The following GRIP1 variants were observed in gnomAD, a reference collection of about 807,000 sequenced individuals.
GRIP1 encodes glutamate receptor interacting protein 1, also known as glutamate receptor-interacting protein 1.
In GRIP1, 45 loss-of-function variants were observed where a neutral mutation model predicts 129.9. The ratio of observed to expected loss-of-function variants is 0.35; its 90% confidence interval spans 0.27 to 0.44. The LOEUF is 0.44. GRIP1 is among the 20% of genes least tolerant of loss of function. GRIP1 has a pLI of 1.00. For missense variants in GRIP1, 1,196 were observed against 1,396.8 expected (o/e 0.86, Z 2.29); for synonymous variants, 530 against 520.8 (o/e 1.02, Z -0.24).
At chr12:66,393,080 T>C (rs369694533) in intron 17 of GRIP1, among the ~76,000 whole-genome samples, 5 of 152,026 alleles carry the variant, frequency 3.3e-5, no homozygotes, top group African/African-American at 1.2e-4. Flanking sequence ...AGCTGAGTCA[T>C]TGGTTAAGCA....
intron 23 of GRIP1, among the ~76,000 whole-genome samples, chr12:66,369,800 G>A (rs1319817418): frequency 2.0e-5 from 3 of 152,048 alleles, no homozygotes; most frequent in Admixed American, 6.5e-5. Context: ...CTGAATATGT[G>A]GTTTCCGCAA....
chr12:66,369,248 C>G (rs1182768035), intron 23 of GRIP1, among the ~76,000 whole-genome samples: 3 of 151,268 alleles, frequency 2.0e-5, no homozygotes, highest in Non-Finnish European at 4.4e-5. Flanking sequence ...TTACAGTTCA[C>G]ACACTGCCAC....
chr12:67,039,569 T>C (rs2043145825), intron 1 of GRIP1, among the ~76,000 whole-genome samples: 1 of 152,122 alleles, frequency 6.6e-6, no homozygotes, highest in Admixed American at 6.5e-5. Context: ...GGCCAAAAGC[T>C]CCATTTCCAG....
intron 1 of GRIP1, among the ~76,000 whole-genome samples, chr12:66,914,876 C>G (rs902530191): frequency 6.6e-6 from 1 of 152,208 alleles, no homozygotes; most frequent in African/African-American, 2.4e-5. Flanking sequence ...ATAGTCCCAG[C>G]TACCTCAGGA....
rs1325710152 is a variant in GRIP1, at chr12:66,371,793, G to A, written c.2913C>T (p.Asn971=). ...TCCTACCCACATCTGAAGGCAGGGT[G>A]TTGCTCCGAGTTGTTTGGCTGTAGT... The part of the protein sequence containing the change: ...RPHYSQTTRS[N]TLPSDVGRKS... The change falls in exon 23 of 25, where the codon AAC becomes AAT. Residue 971 remains asparagine, a synonymous_variant. Coordinates refer to ENST00000359742, the MANE Select transcript of GRIP1 (RefSeq NM_001366722.1). 1 of 1,614,050 alleles carries A rather than the reference G, an allele frequency of 6.2e-7. No homozygotes were observed. Among genetic ancestry groups the A allele is most frequent in the East Asian group, 2.2e-5 (1 of 44,882 alleles).
chr12:66,548,705 A>G (rs943676105), intron 2 of GRIP1, among the ~76,000 whole-genome samples: 1 of 152,330 alleles, frequency 6.6e-6, no homozygotes, highest in Middle Eastern at 3.4e-3. Flanking sequence ...AAAGGCCCCA[A>G]GGTTTCCAAC....
At chr12:66,528,629 T>C (rs184485500) in intron 5 of GRIP1, among the ~76,000 whole-genome samples, 146 of 152,284 alleles carry the variant, frequency 9.6e-4, no homozygotes, top group African/African-American at 3.4e-3. Context: ...TTAATCCTAG[T>C]GTATTAAATC....
intron 1 of GRIP1, among the ~76,000 whole-genome samples, chr12:66,763,688 T>C (rs549640687): frequency 1.3e-5 from 2 of 152,276 alleles, no homozygotes; most frequent in South Asian, 4.1e-4. Flanking sequence ...CATAGATTAA[T>C]GTCACCAAAG....
chr12:66,350,676 T>C (rs762429614), intron 24 of GRIP1, among the ~76,000 whole-genome samples: 5 of 152,092 alleles, frequency 3.3e-5, no homozygotes, highest in Non-Finnish European at 5.9e-5. Context: ...AACCACCAAA[T>C]GCTTCCCAGA....
chr12:66,942,275 T>C (rs1047041256), intron 1 of GRIP1, among the ~76,000 whole-genome samples: 2 of 150,250 alleles, frequency 1.3e-5, no homozygotes, highest in Non-Finnish European at 3.0e-5. Flanking sequence ...CCCTTTTCAA[T>C]TTTTCTGTTC....
At chr12:66,952,079 A>G (rs571863500) in intron 1 of GRIP1, among the ~76,000 whole-genome samples, 1 of 152,166 alleles carries the variant, frequency 6.6e-6, no homozygotes, top group South Asian at 2.1e-4. Flanking sequence ...TAAAGTGAGA[A>G]GAGGAGAGGG....
At chr12:67,036,621 G>C (rs1176841625) in intron 1 of GRIP1, among the ~76,000 whole-genome samples, 2 of 152,076 alleles carry the variant, frequency 1.3e-5, no homozygotes. Flanking sequence ...GTGAGCCACC[G>C]CACCCAGCCA....
intron 1 of GRIP1, among the ~76,000 whole-genome samples, chr12:67,032,541 C>T (rs1353838993): frequency 6.6e-6 from 1 of 152,178 alleles, no homozygotes; most frequent in Non-Finnish European, 1.5e-5. Context: ...CAGGAATTCT[C>T]AACCTCAGCA....
chr12:66,560,520 G>T (rs986374297), intron 2 of GRIP1, among the ~76,000 whole-genome samples: 5 of 151,954 alleles, frequency 3.3e-5, no homozygotes, highest in Admixed American at 2.6e-4. Flanking sequence ...CAAAATATTT[G>T]ATTAGACATT....
intron 1 of GRIP1, among the ~76,000 whole-genome samples, chr12:66,820,162 G>A (rs1285358774): frequency 1.3e-5 from 2 of 152,182 alleles, no homozygotes; most frequent in African/African-American, 4.8e-5. Context: ...TGTAATCCCA[G>A]CACTTTGGAA....
intron 1 of GRIP1, among the ~76,000 whole-genome samples, chr12:66,902,691 G>A (rs2040862236): frequency 6.6e-6 from 1 of 152,212 alleles, no homozygotes; most frequent in African/African-American, 2.4e-5. Context: ...CTTAATATGG[G>A]AAATAGTGAC....
At chr12:66,564,404 G>T (rs2062664004) in intron 2 of GRIP1, among the ~76,000 whole-genome samples, 1 of 151,244 alleles carries the variant, frequency 6.6e-6, no homozygotes, top group Non-Finnish European at 1.5e-5. Context: ...GTGATAGTTT[G>T]CTCAGAATGA....
chr12:66,846,007 GCTTC>G (rs2039808457), intron 1 of GRIP1, among the ~76,000 whole-genome samples: 1 of 152,132 alleles, frequency 6.6e-6, no homozygotes, highest in Admixed American at 6.5e-5. Flanking sequence ...CACACATTGT[GCTTC>G]TGAATCTTGA....
chr12:66,422,075 A>G (rs1451690022), intron 14 of GRIP1, among the ~76,000 whole-genome samples: 3 of 152,282 alleles, frequency 2.0e-5, no homozygotes, highest in African/African-American at 7.2e-5. Context: ...CTAAAGTAAG[A>G]TTTTATTATA....
Sources: allele counts gnomAD v4.1 joint callset (sites outside exome capture counted in the v4.1 genomes callset), GRCh38; gene constraint gnomAD v4.1.1; transcripts MANE v1.5; gene names NCBI Gene and HGNC (gene_info 2026-07-23, HGNC 2026-07-21).